TP53BP2: variants seen among roughly 807,000 people sequenced by gnomAD.
The protein encoded by TP53BP2 is apoptosis-stimulating of p53 protein 2.
A neutral mutation model predicts 126.2 loss-of-function variants in TP53BP2; 62 were observed. The observed-to-expected ratio is 0.49, with a 90% CI of 0.40 to 0.61. The LOEUF is 0.61. Ranked by LOEUF, TP53BP2 falls within the 20% of genes least tolerant of loss-of-function variation. TP53BP2 has a pLI of 0.00. For synonymous variants in TP53BP2, 485 were observed against 502.9 expected, an observed-to-expected ratio of 0.96 and a Z score of 0.48; for missense variants, 1,215 against 1,402.8, an observed-to-expected ratio of 0.87 and a Z score of 2.14.
intron 2 of TP53BP2, among the ~76,000 whole-genome samples, chr1:223,820,399 T>C (rs1273575832): frequency 6.6e-6 from 1 of 152,230 alleles, no homozygotes; most frequent in African/African-American, 2.4e-5. Flanking sequence ...AAAAGATCCC[T>C]TGGGCTTCTT....
Position 223,780,743 on chromosome 1 carries a change from A to T in TP53BP2, c.*110T>A. 1 of 1,010,470 alleles carries T rather than the reference A, an allele frequency of 9.9e-7. No homozygotes were observed. The highest frequency in any genetic ancestry group is 1.5e-6 in the Non-Finnish European group (1 of 667,580). 62.6% of individuals were successfully genotyped at this position (1,010,470 alleles called of 1,614,324 possible). ...CTAGAGACATTCTTCATCGCTTTCA[A>T]GCTACATTGTCATTAAAATAAGTCT... On this transcript the variant is annotated 3_prime_UTR_variant, in exon 18 of 18. Coordinates refer to ENST00000343537, the MANE Select transcript of TP53BP2 (RefSeq NM_001031685.3).
intron 1 of TP53BP2, among the ~76,000 whole-genome samples, chr1:223,825,326 C>A (rs542814826): frequency 1.1e-4 from 17 of 152,192 alleles, no homozygotes; most frequent in African/African-American, 3.4e-4. Flanking sequence ...AGTAACTCAC[C>A]CAGGTCACAC....
intron 7 of TP53BP2, 71 bp from the exon 8 acceptor site, chr1:223,802,966 GGTT>G: frequency 6.6e-7 from 1 of 1,514,812 alleles, no homozygotes; most frequent in Non-Finnish European, 9.1e-7. Context: ...TTAATCACAT[GGTT>G]AACTATTATA....
At position 223,805,148 on chromosome 1, in the gene TP53BP2, A is replaced by G. The variant is rs746254478; in HGVS notation, c.475-800T>C. Among the ~76,000 whole-genome samples the G allele has an allele frequency of 3.9e-5, 6 of 152,138 alleles. 1 individual carries two copies. Among genetic ancestry groups the G allele is most frequent in the Non-Finnish European group, 7.4e-5 (5 of 68,026 alleles). On this transcript the variant is annotated intron_variant, in intron 5 of 17. Coordinates refer to ENST00000343537, the MANE Select transcript of TP53BP2 (RefSeq NM_001031685.3). ...TCTTAGATTAGTATGCCTAGAACAT[A>G]TAAGTAACATGGAAAGAATCAAAAC...
Position 223,796,113 on chromosome 1 carries a change from A to G in TP53BP2, c.2426T>C (p.Leu809Pro). 6.2e-7 allele frequency: 1 copy of G among 1,614,226 alleles called. No homozygotes were observed. Among genetic ancestry groups the G allele is most frequent in the Non-Finnish European group, 8.5e-7 (1 of 1,180,040 alleles). The change falls in exon 13 of 18, where the codon CTG becomes CCG. Residue 809 changes from leucine (L) to proline (P), a missense_variant. Leu to Pro is a moderately conservative substitution (Grantham distance 98). This residue lies in a region of TP53BP2 where 204 missense variants were observed against 225.7 expected (regional missense o/e 0.90). Transcript: ENST00000343537. This position sits in a 1 kb window ranked among gnomAD's most constrained non-coding sequence, Gnocchi z 4.2. The part of the protein sequence containing the change: ...HVEPEKEVVS[L>P]VPESLSPEDV... ...CTCTGGGGACAATGATTCAGGAACCAGAGAGACCACCTCCTTTTCGGGCTC... is the reference window on the plus strand; with the variant it reads ...CTCTGGGGACAATGATTCAGGAACCGGAGAGACCACCTCCTTTTCGGGCTC...
chr1:223,824,964 A>G (rs1372573870), intron 1 of TP53BP2, among the ~76,000 whole-genome samples: 1 of 150,646 alleles, frequency 6.6e-6, no homozygotes, highest in Non-Finnish European at 1.5e-5. Flanking sequence ...TCACGCCTTT[A>G]CTCAGATGTC....
intron 8 of TP53BP2, 106 bp from the exon 9 acceptor site, chr1:223,802,450 G>T: frequency 8.6e-7 from 1 of 1,168,312 alleles, no homozygotes; most frequent in Non-Finnish European, 1.2e-6. Flanking sequence ...AGCAGTTTCA[G>T]AATCTAGCCA....
intron 1 of TP53BP2, among the ~76,000 whole-genome samples, chr1:223,833,341 T>G (rs1271563362): frequency 6.6e-6 from 1 of 152,232 alleles, no homozygotes; most frequent in Non-Finnish European, 1.5e-5. Flanking sequence ...CTTCATAAAC[T>G]ATTCCTTTGC....
chr1:223,789,711 A>C (rs534535486), intron 15 of TP53BP2, among the ~76,000 whole-genome samples: 12 of 152,312 alleles, frequency 7.9e-5, no homozygotes, highest in Admixed American at 2.0e-4. Context: ...TTGTCAAATC[A>C]ATTGAGACCA....
At chr1:223,781,221 T>C (rs1661766538) in intron 17 of TP53BP2, among the ~76,000 whole-genome samples, 1 of 152,204 alleles carries the variant, frequency 6.6e-6, no homozygotes, top group South Asian at 2.1e-4. Flanking sequence ...AAATCGGCTC[T>C]AACAAGGAAG....
At chr1:223,828,239 T>C (rs1377079173) in intron 1 of TP53BP2, among the ~76,000 whole-genome samples, 28 of 152,162 alleles carry the variant, frequency 1.8e-4, no homozygotes. Flanking sequence ...GTTACACATG[T>C]TTTGTTATAA....
intron 16 of TP53BP2, among the ~76,000 whole-genome samples, chr1:223,786,123 T>C (rs1035964477): frequency 1.3e-5 from 2 of 152,144 alleles, no homozygotes; most frequent in Non-Finnish European, 2.9e-5. Context: ...TCAAAAACCA[T>C]GTTGAATGAG....
At position 223,817,944 on chromosome 1, in the gene TP53BP2, A is replaced by G. The variant is rs535289985; in HGVS notation, c.175+3276T>C. ...CAGTCTCAAAAAAAAAAAAAAAAAG[A>G]TACAGATTTACACATACTAATCTGA... On this transcript the variant is annotated intron_variant, in intron 2 of 17. Coordinates refer to ENST00000343537, the MANE Select transcript of TP53BP2 (RefSeq NM_001031685.3). Among the ~76,000 whole-genome samples, 14 of 151,400 alleles carry G rather than the reference A, an allele frequency of 9.2e-5. No individual in the cohort carries two copies. The South Asian group carries it at 2.5e-3, about 27-fold the overall frequency.
chr1:223,825,577 A>G (rs1474585068), intron 1 of TP53BP2, among the ~76,000 whole-genome samples: 2 of 152,198 alleles, frequency 1.3e-5, no homozygotes, highest in Non-Finnish European at 2.9e-5. Context: ...CTCAAATGAG[A>G]GAGTGTGTTG....
rs770735092 is a variant in TP53BP2, at chr1:223,802,357, G to A, written c.997-13C>T. The A allele has an allele frequency of 2.5e-6, 4 of 1,609,994 alleles. No individual in the cohort carries two copies. In the South Asian group the frequency reaches 4.4e-5, roughly 18 times the overall value. On this transcript the variant is annotated splice_polypyrimidine_tract_variant and intron_variant, in intron 8 of 17. Transcript: ENST00000343537. ...CATCAGATGAAACCTTAGGAAAGAA[G>A]CACAGGTCCTTTAGTATTAAAAATC...
At chr1:223,838,908 G>A (rs1276591758) in intron 1 of TP53BP2, among the ~76,000 whole-genome samples, 1 of 151,790 alleles carries the variant, frequency 6.6e-6, no homozygotes, top group Non-Finnish European at 1.5e-5. Context: ...CTTTGCCCAG[G>A]GGGAGGTAAC....
intron 10 of TP53BP2, 76 bp from the exon 11 acceptor site, chr1:223,800,123 C>G: frequency 7.1e-7 from 1 of 1,407,590 alleles, no homozygotes; most frequent in South Asian, 1.6e-5. Context: ...GTTTCTCTCC[C>G]CTAAATCTCC....
At chr1:223,831,389 C>T (rs554961816) in intron 1 of TP53BP2, among the ~76,000 whole-genome samples, 229 of 136,696 alleles carry the variant, frequency 1.7e-3, no homozygotes, top group Admixed American at 3.2e-3. Flanking sequence ...CAGAGCAAGA[C>T]GCTGTCTCCC....
At chr1:223,842,644 A>G (rs1163571870) in intron 1 of TP53BP2, among the ~76,000 whole-genome samples, 1 of 152,286 alleles carries the variant, frequency 6.6e-6, no homozygotes, top group African/African-American at 2.4e-5. Context: ...AAAAGAGCAG[A>G]GAGTAGCTTT....
Sources: gnomAD v4.1 joint callset for allele counts (sites outside exome capture counted in the v4.1 genomes callset) on GRCh38, gnomAD v4.1.1 for gene constraint, gnomAD v4.1.1 regional missense constraint, Gnocchi (gnomAD v3.1) non-coding constraint, MANE v1.5 for transcripts, NCBI Gene and HGNC (gene_info 2026-07-23, HGNC 2026-07-21) for gene names.